Variants in TACR3 observed in about 807,000 individuals in gnomAD.
The protein encoded by TACR3 is tachykinin receptor 3, also known as neuromedin-K receptor.
A neutral mutation model predicts 35.0 loss-of-function variants in TACR3; 34 were observed. The observed-to-expected ratio is 0.97, with a 90% CI of 0.74 to 1.30. The LOEUF is 1.30. TACR3 is among the 50% of genes most tolerant of loss of function. TACR3 has a pLI of 0.00. For missense variants in TACR3, 558 were observed against 591.7 expected (o/e 0.94, Z 0.59); for synonymous variants, 233 against 221.1 (o/e 1.05, Z -0.48).
chr4:103,639,288 G>A (rs1385697830), intron 3 of TACR3, among the ~76,000 whole-genome samples: 1 of 152,080 alleles, frequency 6.6e-6, no homozygotes, highest in South Asian at 2.1e-4. Flanking sequence ...CATGTCCTTT[G>A]TAGTGACATG....
intron 1 of TACR3, among the ~76,000 whole-genome samples, chr4:103,689,593 T>G (rs1215415493): frequency 6.6e-6 from 1 of 151,732 alleles, no homozygotes; most frequent in Non-Finnish European, 1.5e-5. Flanking sequence ...GAAGAAAGCA[T>G]CAAGGAATTT....
chr4:103,674,358 A>C (rs1388569881), intron 1 of TACR3, among the ~76,000 whole-genome samples: 2 of 151,746 alleles, frequency 1.3e-5, no homozygotes, highest in African/African-American at 2.4e-5. Flanking sequence ...AGGAAGAGTG[A>C]GTAACCATTT....
chr4:103,623,107 ATCC>A (rs1459013866), intron 3 of TACR3, among the ~76,000 whole-genome samples: 4 of 152,014 alleles, frequency 2.6e-5, no homozygotes, highest in African/African-American at 9.7e-5. Flanking sequence ...TTTATCTTAA[ATCC>A]TCCTCTTCAC....
chr4:103,719,616 G>C lies in TACR3; in HGVS notation c.60C>G (p.Asp20Glu), dbSNP rs1723169251. 1 of 1,613,650 alleles carries C rather than the reference G, an allele frequency of 6.2e-7. No individual in the cohort carries two copies. Among genetic ancestry groups the C allele is most frequent in the South Asian group, 1.1e-5 (1 of 91,058 alleles). The change falls in exon 1 of 5, where the codon GAC becomes GAG. Residue 20 changes from aspartate (D) to glutamate (E), a missense_variant. Physicochemically the swap from Asp to Glu is conservative, Grantham distance 45. Transcript: ENST00000304883. ...WIDGGGGVGA[D>E]AVNLTASLAA... ...CTAGCGAGGCGGTCAGGTTCACGGCGTCTGCACCCACGCCTCCACCCCCGT... is the reference window on the plus strand; with the variant it reads ...CTAGCGAGGCGGTCAGGTTCACGGCCTCTGCACCCACGCCTCCACCCCCGT...
At chr4:103,675,008 A>C (rs1039909265) in intron 1 of TACR3, among the ~76,000 whole-genome samples, 1 of 152,202 alleles carries the variant, frequency 6.6e-6, no homozygotes, top group African/African-American at 2.4e-5. Context: ...ATACTTATAT[A>C]AAAATATAGG....
intron 1 of TACR3, among the ~76,000 whole-genome samples, chr4:103,666,868 T>G (rs1725947613): frequency 6.6e-6 from 1 of 152,220 alleles, no homozygotes; most frequent in Non-Finnish European, 1.5e-5. Context: ...TGACATTTTG[T>G]GTCACCTCTA....
intron 1 of TACR3, among the ~76,000 whole-genome samples, chr4:103,664,973 T>A (rs1020925179): frequency 2.6e-5 from 4 of 151,716 alleles, no homozygotes; most frequent in Non-Finnish European, 5.9e-5. Context: ...GGCTAGTTTT[T>A]TTTTTTTTCC....
chr4:103,697,532 C>T (rs1189383810), intron 1 of TACR3, among the ~76,000 whole-genome samples: 3 of 152,046 alleles, frequency 2.0e-5, no homozygotes, highest in African/African-American at 7.2e-5. Flanking sequence ...TCACTCCATT[C>T]TCCTGCCTCA....
At chr4:103,619,172 C>T (rs1472311570) in intron 3 of TACR3, among the ~76,000 whole-genome samples, 1 of 152,072 alleles carries the variant, frequency 6.6e-6, no homozygotes, top group East Asian at 1.9e-4. Context: ...ATCATATCAT[C>T]TGTGAAGAGA....
intron 3 of TACR3, among the ~76,000 whole-genome samples, chr4:103,632,133 A>G (rs950189011): frequency 2.0e-5 from 3 of 152,200 alleles, no homozygotes; most frequent in Admixed American, 6.5e-5. Context: ...TCAAGATAAA[A>G]TAGGGAAACA....
chr4:103,663,505 AAAACATATATATAAAGAATGG>A, intron 1 of TACR3, among the ~76,000 whole-genome samples: 1 of 151,918 alleles, frequency 6.6e-6, no homozygotes, highest in African/African-American at 2.4e-5. Context: ...TAAAAAATAA[AAAACATATATATAAAGAATGG>A]AAGCAGGGAA....
At chr4:103,695,711 C>CTCTCTGTGTG (rs142176586) in intron 1 of TACR3, among the ~76,000 whole-genome samples, 9 of 146,196 alleles carry the variant, frequency 6.2e-5, no homozygotes, top group African/African-American at 2.0e-4. Flanking sequence ...GTCTCTCTCT[C>CTCTCTGTGTG]TGTGTGTGTG....
At chr4:103,627,978 A>G (rs2110308899) in intron 3 of TACR3, among the ~76,000 whole-genome samples, 1 of 152,336 alleles carries the variant, frequency 6.6e-6, no homozygotes, top group East Asian at 1.9e-4. Context: ...ATCAGAACTC[A>G]GGATTAAGAA....
At chr4:103,646,773 G>A (rs1300149329) in intron 3 of TACR3, among the ~76,000 whole-genome samples, 2 of 151,944 alleles carry the variant, frequency 1.3e-5, no homozygotes, top group African/African-American at 4.8e-5. Flanking sequence ...GAGATGGATA[G>A]CAAATCTTTT....
At chr4:103,648,867 T>C (rs1725519922) in intron 3 of TACR3, among the ~76,000 whole-genome samples, 1 of 152,146 alleles carries the variant, frequency 6.6e-6, no homozygotes, top group Non-Finnish European at 1.5e-5. Context: ...ACTTCCAAAC[T>C]GTTCTCCATA....
rs527615271 is a variant in TACR3, at chr4:103,670,755, G to T, written c.549-12352C>A. 2.0e-5 allele frequency among the ~76,000 whole-genome samples: 3 copies of T among 151,710 alleles called. No homozygotes were observed. The South Asian group carries it at 6.2e-4, about 31-fold the overall frequency. On this transcript the variant is annotated intron_variant, in intron 1 of 4. Coordinates refer to ENST00000304883, the MANE Select transcript of TACR3 (RefSeq NM_001059.3). ...GGTTTTCTAAATATAAGATCATATCGTTTACAAACAAGAATAATTTGACTT... is the reference window on the plus strand; with the variant it reads ...GGTTTTCTAAATATAAGATCATATCTTTTACAAACAAGAATAATTTGACTT...
intron 1 of TACR3, among the ~76,000 whole-genome samples, chr4:103,683,633 C>A (rs939628615): frequency 2.6e-5 from 4 of 151,898 alleles, no homozygotes; most frequent in Admixed American, 1.3e-4. Context: ...TATGTGCAAA[C>A]TACAAAACTC....
chr4:103,615,062 T>C (rs1419234222), intron 3 of TACR3, among the ~76,000 whole-genome samples: 1 of 151,664 alleles, frequency 6.6e-6, no homozygotes, highest in Non-Finnish European at 1.5e-5. Flanking sequence ...GCCTGGCTAA[T>C]TTTTTTGTAT....
chr4:103,592,059 G>T (rs576466694), intron 3 of TACR3, among the ~76,000 whole-genome samples: 1 of 152,252 alleles, frequency 6.6e-6, no homozygotes, highest in Admixed American at 6.5e-5. Flanking sequence ...TTATCTCCAG[G>T]AAATCAACTG....
Sources: gnomAD v4.1 joint callset for allele counts (sites outside exome capture counted in the v4.1 genomes callset) on GRCh38, gnomAD v4.1.1 for gene constraint, MANE v1.5 for transcripts, NCBI Gene and HGNC (gene_info 2026-07-23, HGNC 2026-07-21) for gene names.